The following PSG8 variants were observed in gnomAD, a reference collection of about 807,000 sequenced individuals.
PSG8 encodes the protein pregnancy specific beta-1-glycoprotein 8.
In PSG8, 57 loss-of-function variants were observed where a neutral mutation model predicts 42.5. The ratio of observed to expected loss-of-function variants is 1.34; its 90% CI spans 1.08 to 1.67. PSG8 has a LOEUF of 1.67. Ranked by LOEUF, PSG8 falls within the 40% of genes most tolerant of loss-of-function variation. The pLI, the probability that PSG8 is intolerant of heterozygous loss-of-function variation, is 0.00. For missense variants in PSG8, 783 were observed against 518.6 expected (o/e 1.51, Z -4.95); for synonymous variants, 280 against 196.8 (o/e 1.42, Z -3.54).
At chr19:42,757,787 G>C (rs531539431) in intron 3 of PSG8, among the ~76,000 whole-genome samples, 6 of 152,216 alleles carry the variant, frequency 3.9e-5, no homozygotes, top group South Asian at 2.1e-4. Context: ...AGCTGTGGAC[G>C]CTGAGTCTCC....
At chr19:42,765,448 C>T (rs1463499293) in intron 1 of PSG8, 70 bp downstream of exon 1, 1 of 1,594,662 alleles carries the variant, frequency 6.3e-7, no homozygotes, top group Non-Finnish European at 8.6e-7. Context: ...GTACCCCATA[C>T]TCTCAAGGAG....
rs142702939 is a variant in PSG8 at position 42,762,578 on chromosome 19, C to T, written c.430+1338G>A. ...AGAGCTCCTGAGTGTGTGTCTGTCT[C>T]GCTGGGCCTGTGCTGGTGTAGGGTG... On this transcript the variant is annotated intron_variant, in intron 2 of 4. Transcript: ENST00000306511. Among the ~76,000 whole-genome samples, 326 of 152,102 alleles carry T rather than the reference C, an allele frequency of 2.1e-3. 4 individuals carry two copies. The highest frequency in any genetic ancestry group is 7.0e-3 in the African/African-American group (291 of 41,492).
At chr19:42,757,087 T>A (rs1600409519) in intron 3 of PSG8, among the ~76,000 whole-genome samples, 1 of 152,162 alleles carries the variant, frequency 6.6e-6, no homozygotes, top group Admixed American at 6.5e-5. Context: ...ATTTTATTCC[T>A]TTTGATGTTA....
Position 42,758,214 on chromosome 19 carries a change from C to T in PSG8, c.497G>A (p.Ser166Asn). ...CGGAGTCTCAGGATCACAGGTTAAG[C>T]TCACAGCCTCCATGGCCTCCCTGGG... ...LNPREAMEAV[S>N]LTCDPETPDA... Residue 166 changes from serine (S) to asparagine (N), a missense_variant, in exon 3 of 5, where the codon AGC becomes AAC. Transcript: ENST00000306511. The T allele has an allele frequency of 6.2e-7, 1 of 1,614,058 alleles. No homozygotes were observed. Among genetic ancestry groups the T allele is most frequent in the Non-Finnish European group, 8.5e-7 (1 of 1,179,982 alleles).
chr19:42,761,635 G>T (rs924886038), intron 2 of PSG8, among the ~76,000 whole-genome samples: 3 of 151,920 alleles, frequency 2.0e-5, no homozygotes, highest in Non-Finnish European at 4.4e-5. Context: ...CCGCCCACAT[G>T]ATTCCATCAC....
intron 2 of PSG8, among the ~76,000 whole-genome samples, chr19:42,760,382 T>A (rs1417934378): frequency 6.6e-6 from 1 of 152,198 alleles, no homozygotes; most frequent in African/African-American, 2.4e-5. Flanking sequence ...GTCCCACAGC[T>A]ACAAAATTTA....
At chr19:42,761,819 AATTTT>A (rs1970081989) in intron 2 of PSG8, among the ~76,000 whole-genome samples, 3 of 102,960 alleles carry the variant, frequency 2.9e-5, no homozygotes, top group African/African-American at 1.1e-4. Context: ...ACATTTCAAT[AATTTT>A]TTTTTTTTTT....
intron 2 of PSG8, among the ~76,000 whole-genome samples, chr19:42,760,304 G>C (rs1970040882): frequency 6.6e-6 from 1 of 152,040 alleles, no homozygotes; most frequent in Non-Finnish European, 1.5e-5. Context: ...GCACCCACCT[G>C]GCCACCTCCA....
chr19:42,765,392 T>G, intron 1 of PSG8, 126 bp downstream of exon 1: 2 of 1,442,030 alleles, frequency 1.4e-6, no homozygotes, highest in Non-Finnish European at 1.9e-6. Flanking sequence ...GATCTCATGA[T>G]CCACCTGCCT....
At position 42,764,298 on chromosome 19, in the gene PSG8, G is replaced by T; in HGVS notation, c.65-17C>A. ...AAAGTGATGCTAGGAGGTGGAGAGA[G>T]CATCAGTCAATATTGAGAGCTATGT... On this transcript the variant is annotated splice_polypyrimidine_tract_variant and intron_variant, in intron 1 of 4. Coordinates refer to ENST00000306511, the MANE Select transcript of PSG8 (RefSeq NM_182707.3). 1 of 1,607,626 alleles carries T rather than the reference G, an allele frequency of 6.2e-7. No homozygotes were observed. Among genetic ancestry groups the T allele is most frequent in the Admixed American group, 1.7e-5 (1 of 59,500 alleles).
At chr19:42,762,299 G>A (rs1296614181) in intron 2 of PSG8, among the ~76,000 whole-genome samples, 1 of 151,916 alleles carries the variant, frequency 6.6e-6, no homozygotes, top group African/African-American at 2.4e-5. Flanking sequence ...AAAACCCCAG[G>A]GACCAGGTGC....
Position 42,754,268 on chromosome 19 carries a change from C to T in PSG8, c.*27G>A, listed in dbSNP as rs774644967. On this transcript the variant is annotated 3_prime_UTR_variant, in exon 5 of 5. Coordinates refer to ENST00000306511, the MANE Select transcript of PSG8 (RefSeq NM_182707.3). ...TGGGAATAAAAATGTTTTCCTGACT[C>T]TTCCCTGAAGGCCAGATAGACTCCA... The T allele has an allele frequency of 5.6e-6, 9 of 1,607,622 alleles. No homozygotes were observed. The highest frequency in any genetic ancestry group is 7.6e-6 in the Non-Finnish European group (9 of 1,176,858).
downstream of PSG8, chr19:42,754,140 A>T: frequency 7.1e-7 from 1 of 1,403,572 alleles, no homozygotes; most frequent in Non-Finnish European, 9.6e-7. Flanking sequence ...TGGGAATTTT[A>T]TGAAGATATC....
Position 42,764,124 on chromosome 19 carries a change from G to A in PSG8, c.222C>T (p.Asp74=), listed in dbSNP as rs773480083. The A allele has an allele frequency of 9.9e-6, 16 of 1,613,742 alleles. No individual in the cohort carries two copies. The highest frequency in any genetic ancestry group is 1.3e-5 in the Non-Finnish European group (15 of 1,179,892). ...CATATGATGTAATGTAATGGTAGAG[G>A]TCCCTGATTTGCCCTTTGTACCAGA... ...GYIWYKGQIR[D]LYHYITSYVV... Residue 74 remains aspartate, a synonymous_variant, in exon 2 of 5, where the codon GAC becomes GAT. Coordinates refer to ENST00000306511, the MANE Select transcript of PSG8 (RefSeq NM_182707.3).
chr19:42,756,656 G>A (rs1386942754), intron 3 of PSG8, among the ~76,000 whole-genome samples: 1 of 152,032 alleles, frequency 6.6e-6, no homozygotes, highest in Non-Finnish European at 1.5e-5. Context: ...CTAGCTTGGT[G>A]ATTAGTTTTC....
chr19:42,765,596 G>C lies in PSG8; in HGVS notation c.-15C>G. 1 of 1,609,462 alleles carries C rather than the reference G, an allele frequency of 6.2e-7. No homozygotes were observed. The highest frequency in any genetic ancestry group is 8.5e-7 in the Non-Finnish European group (1 of 1,177,056). Reference sequence around the variant, plus strand: ...AGGAGCCCCATGGTCTCTGCTGTCTGTGTGTTCTCCTCTGTGGAGATGAGC... The same window carrying C: ...AGGAGCCCCATGGTCTCTGCTGTCTCTGTGTTCTCCTCTGTGGAGATGAGC... On this transcript the variant is annotated 5_prime_UTR_variant, in exon 1 of 5. Coordinates refer to ENST00000306511, the MANE Select transcript of PSG8 (RefSeq NM_182707.3).
At chr19:42,754,678 C>A (rs1359900419) in intron 4 of PSG8, 91 bp from the exon 5 acceptor site, 3 of 1,453,942 alleles carry the variant, frequency 2.1e-6, no homozygotes, top group Non-Finnish European at 2.8e-6. Context: ...CCCTCTGAGC[C>A]AAGACACACC....
Position 42,765,622 on chromosome 19 carries a change from C to G in PSG8, c.-41G>C, listed in dbSNP as rs1309402511. ...TGTGTTCTCCTCTGTGGAGATGAGC[C>G]TAGGATCCAGAAGCTTCCTGAGCAC... is the stretch of plus-strand genomic sequence containing the variant. On this transcript the variant is annotated 5_prime_UTR_variant, in exon 1 of 5. Transcript: ENST00000306511. 1 of 1,603,422 alleles carries G rather than the reference C, an allele frequency of 6.2e-7. No individual in the cohort carries two copies. Among genetic ancestry groups the G allele is most frequent in the East Asian group, 2.2e-5 (1 of 44,806 alleles).
chr19:42,763,775 C>A lies in PSG8; in HGVS notation c.430+141G>T. 3 of 1,483,520 alleles carry A rather than the reference C, an allele frequency of 2.0e-6. No homozygotes were observed. In the South Asian group the frequency reaches 3.5e-5, roughly 17 times the overall value. The allele number at this position is 1,483,520 out of a possible 1,614,324, so 91.9% of individuals were successfully genotyped here. The stretch of plus-strand genomic sequence containing the variant: ...TGAAATTTGTCTCCTCTGTGTGTGT[C>A]CTGCACTAAATGCCCAAACCCCAGC... On this transcript the variant is annotated intron_variant, in intron 2 of 4. Coordinates refer to ENST00000306511, the MANE Select transcript of PSG8 (RefSeq NM_182707.3).
Sources: allele counts gnomAD v4.1 joint callset (sites outside exome capture counted in the v4.1 genomes callset), GRCh38; gene constraint gnomAD v4.1.1; transcripts MANE v1.5; gene names NCBI Gene and HGNC (gene_info 2026-07-23, HGNC 2026-07-21).